The following LRP12 variants were observed in gnomAD, a reference collection of about 807,000 sequenced individuals.
LRP12 encodes LDL receptor related protein 12.
In LRP12, 14 loss-of-function variants were observed where a neutral mutation model predicts 66.0. The ratio of observed to expected loss-of-function variants is 0.21; its 90% CI spans 0.14 to 0.33. The LOEUF (loss-of-function observed/expected upper bound fraction) is 0.33, where lower values mean the gene tolerates loss of function less well. Among genes scored for constraint, LRP12 ranks in the 10% least tolerant of loss-of-function variants. The pLI is 1.00. For synonymous variants in LRP12, 357 were observed against 359.1 expected, an observed-to-expected ratio of 0.99 and a Z score of 0.07; for missense variants, 889 against 1,053.4, an observed-to-expected ratio of 0.84 and a Z score of 2.16.
chr8:104,496,468 A>G (rs556449395), intron 5 of LRP12, among the ~76,000 whole-genome samples: 3 of 152,028 alleles, frequency 2.0e-5, no homozygotes, highest in South Asian at 4.2e-4. Flanking sequence ...CCCTCATTAG[A>G]TTACGTATTT....
At chr8:104,530,823 A>T (rs1811315453) in intron 2 of LRP12, among the ~76,000 whole-genome samples, 1 of 152,232 alleles carries the variant, frequency 6.6e-6, no homozygotes, top group South Asian at 2.1e-4. Flanking sequence ...AAAAGGGAGA[A>T]GGCCATCTTT....
At chr8:104,525,037 A>G (rs1195890544) in intron 2 of LRP12, among the ~76,000 whole-genome samples, 1 of 152,132 alleles carries the variant, frequency 6.6e-6, no homozygotes, top group Non-Finnish European at 1.5e-5. Context: ...AAACATTTCA[A>G]AAAGAAACAT....
At chr8:104,532,598 CA>C (rs1362230758) in intron 1 of LRP12, among the ~76,000 whole-genome samples, 2 of 152,098 alleles carry the variant, frequency 1.3e-5, no homozygotes, top group Non-Finnish European at 2.9e-5. Context: ...GGCATCACAA[CA>C]GCTCAGAAAC....
At chr8:104,496,828 C>G (rs759279415) in intron 5 of LRP12, 144 bp downstream of exon 5, 6 of 762,740 alleles carry the variant, frequency 7.9e-6, no homozygotes, top group Non-Finnish European at 1.1e-5. Flanking sequence ...GGGTTTTTCA[C>G]GCTAATTTTA....
chr8:104,524,498 T>A (rs113244622), intron 2 of LRP12, among the ~76,000 whole-genome samples: 1 of 152,208 alleles, frequency 6.6e-6, no homozygotes, highest in African/African-American at 2.4e-5. Flanking sequence ...CAAAATCCAT[T>A]GGAAACAACC....
rs2140823239 is a variant in LRP12 at position 104,489,898 on chromosome 8, T to C, written c.*775A>G. On this transcript the variant is annotated 3_prime_UTR_variant, in exon 7 of 7. Coordinates refer to ENST00000276654, the MANE Select transcript of LRP12 (RefSeq NM_013437.5). The stretch of plus-strand genomic sequence containing the variant: ...TCTTGTACAATTTTTGTACATGTTT[T>C]ATAAAGTTCAAGATTTAATGCATAG... 6.5e-6 allele frequency: 1 copy of C among 152,758 alleles called. No individual in the cohort carries two copies. The highest frequency in any genetic ancestry group is 6.5e-5 in the Admixed American group (1 of 15,298). The allele number at this position is 152,758 out of a possible 1,614,324, so 9.5% of individuals were successfully genotyped here.
intron 1 of LRP12, among the ~76,000 whole-genome samples, chr8:104,555,673 T>C (rs560023080): frequency 3.3e-5 from 5 of 152,226 alleles, no homozygotes; most frequent in East Asian, 3.9e-4. Context: ...CAATTACTAA[T>C]AGACCTAAGA....
intron 2 of LRP12, among the ~76,000 whole-genome samples, chr8:104,515,777 T>C (rs1464291459): frequency 3.3e-5 from 5 of 152,178 alleles, no homozygotes; most frequent in South Asian, 4.1e-4. Flanking sequence ...TGGATTGATA[T>C]TTTATTTGCT....
At position 104,497,605 on chromosome 8, in the gene LRP12, T is replaced by G. The variant is rs979850212; in HGVS notation, c.947A>C (p.Lys316Thr). ...LDGTGYGDYV[K>T]IYDGLEENPH... Reference sequence around the variant, plus strand: ...ATTCTCCTCTAATCCATCATATATTTTGACATAATCACCATAACCAGTACC... The same window carrying G: ...ATTCTCCTCTAATCCATCATATATTGTGACATAATCACCATAACCAGTACC... The change falls in exon 5 of 7, where the codon AAA becomes ACA. Residue 316 changes from lysine (K) to threonine (T), a missense_variant. Lys to Thr is a moderately conservative substitution (Grantham distance 78, BLOSUM62 -1). Coordinates refer to ENST00000276654, the MANE Select transcript of LRP12 (RefSeq NM_013437.5). The surrounding 1 kb of genome is among the most constrained non-coding windows in gnomAD (Gnocchi z 4.3). The G allele has an allele frequency of 1.2e-6, 2 of 1,613,892 alleles. No homozygotes were observed. The highest frequency in any genetic ancestry group is 3.3e-5 in the Admixed American group (2 of 59,982).
chr8:104,517,688 C>T (rs1348226000), intron 2 of LRP12, among the ~76,000 whole-genome samples: 1 of 151,954 alleles, frequency 6.6e-6, no homozygotes, highest in Non-Finnish European at 1.5e-5. Flanking sequence ...GTCATTTGGC[C>T]ATCTCATTTT....
intron 1 of LRP12, among the ~76,000 whole-genome samples, chr8:104,549,400 C>CTTTTTTT (rs66644217): frequency 8.6e-6 from 1 of 116,704 alleles, no homozygotes; most frequent in African/African-American, 3.3e-5. Context: ...TCTGAATCCA[C>CTTTTTTT]TTTTTTTTTT....
At chr8:104,491,605 A>AAC in intron 6 of LRP12, 66 bp from the exon 7 acceptor site, 1 of 1,242,762 alleles carries the variant, frequency 8.0e-7, no homozygotes, top group Non-Finnish European at 1.1e-6. Context: ...AAAAAAAAAA[A>AAC]CACCCTTCTA....
At chr8:104,530,670 C>T (rs1191498027) in intron 2 of LRP12, among the ~76,000 whole-genome samples, 1 of 152,080 alleles carries the variant, frequency 6.6e-6, no homozygotes, top group African/African-American at 2.4e-5. Flanking sequence ...ATAATGGGTC[C>T]TGAGACCAAA....
rs748486726 is a variant in LRP12, at chr8:104,498,042, C to T, written c.510G>A (p.Gln170=). The T allele has an allele frequency of 1.2e-6, 2 of 1,607,894 alleles. No individual in the cohort carries two copies. The highest frequency in any genetic ancestry group is 1.7e-6 in the Non-Finnish European group (2 of 1,176,452). Residue 170 remains glutamine, a synonymous_variant, in exon 5 of 7, where the codon CAG becomes CAA. Coordinates refer to ENST00000276654, the MANE Select transcript of LRP12 (RefSeq NM_013437.5). The stretch of plus-strand genomic sequence containing the variant: ...TACACTTTCCATTACCACAACGAAA[C>T]TGATCACAAGCACAATTTGGTTCCT... ...KSEEPNCACD[Q]FRCGNGKCIP...
chr8:104,518,191 T>G (rs1012442881), intron 2 of LRP12, among the ~76,000 whole-genome samples: 5 of 152,168 alleles, frequency 3.3e-5, no homozygotes, highest in Admixed American at 1.3e-4. Context: ...GTGAAGCATG[T>G]ATGCAGGCCT....
chr8:104,575,343 A>AC (rs1206181390), intron 1 of LRP12, among the ~76,000 whole-genome samples: 1 of 152,146 alleles, frequency 6.6e-6, no homozygotes, highest in African/African-American at 2.4e-5. Flanking sequence ...TGTGGTGAAC[A>AC]CCCACAGGAA....
intron 3 of LRP12, chr8:104,505,602 T>C: frequency 6.6e-6 from 1 of 151,798 alleles, no homozygotes; most frequent in South Asian, 2.1e-4. Flanking sequence ...GAGGTTTCGC[T>C]ATGTTGGCCA....
chr8:104,489,371 C>G lies in LRP12; in HGVS notation c.*1302G>C, dbSNP rs1419464894. ...TTCAAACATGCTTTAAAATGACATT[C>G]AGCAAAGTACTTAAAATTTAATAAA... On this transcript the variant is annotated 3_prime_UTR_variant, in exon 7 of 7. Coordinates refer to ENST00000276654, the MANE Select transcript of LRP12 (RefSeq NM_013437.5). The G allele has an allele frequency of 6.6e-6, 1 of 152,526 alleles. No homozygotes were observed. Among genetic ancestry groups the G allele is most frequent in the African/African-American group, 2.4e-5 (1 of 41,424 alleles). The allele number at this position is 152,526 out of a possible 1,614,324, so 9.4% of individuals were successfully genotyped here.
chr8:104,558,733 C>T (rs759532570), intron 1 of LRP12, among the ~76,000 whole-genome samples: 23 of 151,386 alleles, frequency 1.5e-4, no homozygotes, highest in Non-Finnish European at 2.7e-4. Context: ...TATCTAGAAT[C>T]TACAAGGAAC....
Sources: allele counts gnomAD v4.1 joint callset (sites outside exome capture counted in the v4.1 genomes callset), GRCh38; gene constraint gnomAD v4.1.1; non-coding constraint Gnocchi (gnomAD v3.1); transcripts MANE v1.5; gene names NCBI Gene and HGNC (gene_info 2026-07-23, HGNC 2026-07-21).